MAP3K4: variants seen among roughly 807,000 people sequenced by gnomAD.
MAP3K4 encodes the protein mitogen-activated protein kinase kinase kinase 4, also known as MAP three kinase 1.
In MAP3K4, 67 loss-of-function variants were observed where a neutral mutation model predicts 185.6. The observed-to-expected ratio is 0.36, with a 90% CI of 0.30 to 0.44. The LOEUF (loss-of-function observed/expected upper bound fraction) is 0.44, where lower values mean the gene tolerates loss of function less well. Among genes scored for constraint, MAP3K4 ranks in the 20% least tolerant of loss-of-function variants. The pLI is 1.00. For missense variants in MAP3K4, 1,551 were observed against 1,995.1 expected, an observed-to-expected ratio of 0.78 and a Z score of 4.24; for synonymous variants, 702 against 710.4, an observed-to-expected ratio of 0.99 and a Z score of 0.19.
intron 3 of MAP3K4, among the ~76,000 whole-genome samples, 176 bp downstream of exon 3, chr6:161,050,155 A>G (rs1381478581): frequency 1.3e-5 from 2 of 152,204 alleles, no homozygotes. Context: ...ATCTATGAAA[A>G]CTGCATGAAA....
intron 1 of MAP3K4, among the ~76,000 whole-genome samples, chr6:161,027,118 G>T (rs1303261833): frequency 6.6e-6 from 1 of 152,002 alleles, no homozygotes; most frequent in Non-Finnish European, 1.5e-5. Context: ...CCAAGACCTG[G>T]TCCTATTCAT....
In MAP3K4 at chr6:161,110,041, A is replaced by G. The variant is rs1201464770; in HGVS notation, c.4396+127A>G. On this transcript the variant is annotated intron_variant, in intron 23 of 26. Coordinates refer to ENST00000392142, the MANE Select transcript of MAP3K4 (RefSeq NM_005922.4). This position sits in a 1 kb window ranked among gnomAD's most constrained non-coding sequence, Gnocchi z 4.8. ...CTAGATGGAAATACCTTTCATTGAA[A>G]TACGCCTCTATAAGGATCCTGTATT... is the stretch of plus-strand genomic sequence containing the variant. 1 of 954,918 alleles carries G rather than the reference A, an allele frequency of 1.0e-6. No individual in the cohort carries two copies. Among genetic ancestry groups the G allele is most frequent in the Non-Finnish European group, 1.6e-6 (1 of 631,914 alleles). 59.2% of individuals were successfully genotyped at this position (954,918 alleles called of 1,614,324 possible).
intron 1 of MAP3K4, among the ~76,000 whole-genome samples, chr6:161,015,626 C>A (rs1334058267): frequency 2.0e-5 from 3 of 152,024 alleles, no homozygotes; most frequent in African/African-American, 7.2e-5. Flanking sequence ...AGCTTCCACT[C>A]AAGGTAGAAG....
In MAP3K4 at chr6:161,114,120, A is replaced by T. The variant is rs1028992829; in HGVS notation, c.4627-1003A>T. ...TTTTAGAGAGTATATAAAGAAACAC[A>T]CATGTTTTGGACAGAAATTCCATGT... is the stretch of plus-strand genomic sequence containing the variant. On this transcript the variant is annotated intron_variant, in intron 25 of 26. Transcript: ENST00000392142. This position sits in a 1 kb window ranked among gnomAD's most constrained non-coding sequence, Gnocchi z 4.3. 1.6e-4 allele frequency among the ~76,000 whole-genome samples: 25 copies of T among 152,092 alleles called. No individual in the cohort carries two copies. The highest frequency in any genetic ancestry group is 3.1e-4 in the Non-Finnish European group (21 of 68,026).
At chr6:161,062,055 G>C (rs2114794060) in intron 3 of MAP3K4, among the ~76,000 whole-genome samples, 1 of 152,158 alleles carries the variant, frequency 6.6e-6, no homozygotes, top group African/African-American at 2.4e-5. Flanking sequence ...GAAGTATGTA[G>C]TTTTGTTTAT....
At chr6:161,004,753 A>G (rs1781493231) in intron 1 of MAP3K4, among the ~76,000 whole-genome samples, 1 of 152,272 alleles carries the variant, frequency 6.6e-6, no homozygotes, top group African/African-American at 2.4e-5. Flanking sequence ...ATGATCGTCA[A>G]GAAACTTTCC....
Position 161,109,174 on chromosome 6 carries a change from T to C in MAP3K4, c.4236+315T>C, listed in dbSNP as rs998738319. ...TTTTTCCGTTTTTTTGCTGAACCAC[T>C]GTTGAGTACACTGTTAAGTAATACT... On this transcript the variant is annotated intron_variant, in intron 22 of 26. Transcript: ENST00000392142. This position sits in a 1 kb window ranked among gnomAD's most constrained non-coding sequence, Gnocchi z 5.7. 1.9e-6 allele frequency: 1 copy of C among 523,554 alleles called. No homozygotes were observed. The highest frequency in any genetic ancestry group is 1.9e-5 in the African/African-American group (1 of 52,346). 32.4% of individuals were successfully genotyped at this position (523,554 alleles called of 1,614,324 possible). A position where few individuals can be genotyped will look rare whatever the true frequency, so the allele number is the denominator to read the frequency against.
At chr6:161,019,564 A>G (rs1782278007) in intron 1 of MAP3K4, among the ~76,000 whole-genome samples, 1 of 152,080 alleles carries the variant, frequency 6.6e-6, no homozygotes. Flanking sequence ...GTGCTACCAC[A>G]CCCAGCTAAT....
intron 3 of MAP3K4, among the ~76,000 whole-genome samples, chr6:161,062,425 A>G (rs527877769): frequency 7.9e-4 from 120 of 152,280 alleles, no homozygotes; most frequent in African/African-American, 2.8e-3. Flanking sequence ...TATTTATAAT[A>G]GACATGTAGA....
intron 4 of MAP3K4, among the ~76,000 whole-genome samples, chr6:161,072,272 G>A (rs1489944364): frequency 6.6e-6 from 1 of 152,050 alleles, no homozygotes; most frequent in Non-Finnish European, 1.5e-5. Context: ...TAGAAATTTA[G>A]AAAAGTACAA....
intron 3 of MAP3K4, among the ~76,000 whole-genome samples, chr6:161,062,863 G>A (rs953150566): frequency 1.3e-5 from 2 of 151,292 alleles, no homozygotes; most frequent in African/African-American, 2.4e-5. Flanking sequence ...TGAATAAATA[G>A]TTTAGTTTGT....
In MAP3K4 at chr6:161,054,447, G is replaced by A. The variant is rs1454215995; in HGVS notation, c.1707+4468G>A. 6.6e-6 allele frequency among the ~76,000 whole-genome samples: 1 copy of A among 152,112 alleles called. No homozygotes were observed. The highest frequency in any genetic ancestry group is 1.5e-5 in the Non-Finnish European group (1 of 68,028). ...TGGGATGATAGGTGTGAGCCACCGCGCCCGGCCCAAACTAATTTTTCTCTA... is the reference window on the plus strand; with the variant it reads ...TGGGATGATAGGTGTGAGCCACCGCACCCGGCCCAAACTAATTTTTCTCTA... On this transcript the variant is annotated intron_variant, in intron 3 of 26. Transcript: ENST00000392142. The surrounding 1 kb of genome is among the most constrained non-coding windows in gnomAD (Gnocchi z 4.2).
intron 1 of MAP3K4, among the ~76,000 whole-genome samples, chr6:161,018,842 A>T (rs1234917654): frequency 6.6e-6 from 1 of 152,216 alleles, no homozygotes; most frequent in East Asian, 1.9e-4. Context: ...AATATTAGAG[A>T]AAAAAGATGT....
intron 1 of MAP3K4, among the ~76,000 whole-genome samples, chr6:161,014,486 G>A (rs973663102): frequency 1.3e-5 from 2 of 152,218 alleles, no homozygotes; most frequent in Admixed American, 1.3e-4. Flanking sequence ...ATTTGGTCAT[G>A]CAGAGAGCTG....
At chr6:161,092,604 A>G (rs543032063) in intron 13 of MAP3K4, among the ~76,000 whole-genome samples, 1 of 149,588 alleles carries the variant, frequency 6.7e-6, no homozygotes, top group African/African-American at 2.6e-5. Flanking sequence ...GCACTTTCTT[A>G]AAGTCATTAA....
Position 161,106,807 on chromosome 6 carries a change from G to A in MAP3K4, c.4048+102G>A. On this transcript the variant is annotated intron_variant, in intron 20 of 26. Transcript: ENST00000392142. The surrounding 1 kb of genome is among the most constrained non-coding windows in gnomAD (Gnocchi z 4.9). ...CCTATAGAGTTGGCCCTTTTTTCTT[G>A]TAGACATAGCAAGTATGCATTGTTA... is the stretch of plus-strand genomic sequence containing the variant. The A allele has an allele frequency of 2.2e-6, 2 of 928,536 alleles. No homozygotes were observed. The highest frequency in any genetic ancestry group is 2.8e-5 in the Admixed American group (1 of 35,274). The allele number at this position is 928,536 out of a possible 1,614,324, so 57.5% of individuals were successfully genotyped here. A position where few individuals can be genotyped will look rare whatever the true frequency, so the allele number is the denominator to read the frequency against.
chr6:161,014,536 C>T (rs9456609), intron 1 of MAP3K4, among the ~76,000 whole-genome samples: 4,612 of 152,246 alleles, frequency 0.03, 171 homozygotes, highest in African/African-American at 0.083. Flanking sequence ...TCACAATTTC[C>T]TCTAGAAATA....
At position 161,017,585 on chromosome 6, in the gene MAP3K4, G is replaced by A. The variant is rs1425426789; in HGVS notation, c.153-16674G>A. 6.6e-6 allele frequency among the ~76,000 whole-genome samples: 1 copy of A among 152,164 alleles called. No individual in the cohort carries two copies. The highest frequency in any genetic ancestry group is 1.5e-5 in the Non-Finnish European group (1 of 68,014). On this transcript the variant is annotated intron_variant, in intron 1 of 26. Coordinates refer to ENST00000392142, the MANE Select transcript of MAP3K4 (RefSeq NM_005922.4). The surrounding 1 kb of genome is among the most constrained non-coding windows in gnomAD (Gnocchi z 5.1). ...TCTTTGTGATCTTTTGTAAGTTATAGAAACAGGCCCAAAGAGGTTAAATTT... is the reference window on the plus strand; with the variant it reads ...TCTTTGTGATCTTTTGTAAGTTATAAAAACAGGCCCAAAGAGGTTAAATTT...
At chr6:161,050,501 C>CT (rs750944444) in intron 3 of MAP3K4, among the ~76,000 whole-genome samples, 15 of 152,312 alleles carry the variant, frequency 9.8e-5, no homozygotes, top group Non-Finnish European at 1.5e-4. Context: ...AAAGCCAACA[C>CT]TATCTCGCAA....
Sources: gnomAD v4.1 joint callset for allele counts (sites outside exome capture counted in the v4.1 genomes callset) on GRCh38, gnomAD v4.1.1 for gene constraint, Gnocchi (gnomAD v3.1) non-coding constraint, MANE v1.5 for transcripts, NCBI Gene and HGNC (gene_info 2026-07-23, HGNC 2026-07-21) for gene names.